Variants in DLGAP2 observed in about 807,000 individuals in gnomAD.
DLGAP2 encodes DLG associated protein 2.
In DLGAP2, 26 loss-of-function variants were observed where a neutral mutation model predicts 100.3. The ratio of observed to expected loss-of-function variants is 0.26; its 90% confidence interval spans 0.19 to 0.36. The LOEUF (loss-of-function observed/expected upper bound fraction) is 0.36, where lower values mean the gene tolerates loss of function less well. DLGAP2 is among the 10% of genes least tolerant of loss of function. DLGAP2 has a pLI of 1.00. For synonymous variants in DLGAP2, 886 were observed against 630.1 expected (o/e 1.41, Z -6.08); for missense variants, 1,858 against 1,453.2 (o/e 1.28, Z -4.53).
intron 2 of DLGAP2, among the ~76,000 whole-genome samples, chr8:940,128 C>T (rs1022014570): frequency 4.6e-5 from 7 of 152,104 alleles, no homozygotes; most frequent in South Asian, 2.1e-4. Context: ...GGGCGTGGGG[C>T]GTGGGGCCTG....
intron 1 of DLGAP2, among the ~76,000 whole-genome samples, chr8:812,872 A>T (rs1339194241): frequency 1.3e-5 from 2 of 152,222 alleles, no homozygotes; most frequent in African/African-American, 2.4e-5. Flanking sequence ...CACCCATAGT[A>T]AAATTCCTAT....
At chr8:871,446 C>A (rs753523673) in intron 1 of DLGAP2, among the ~76,000 whole-genome samples, 1 of 152,184 alleles carries the variant, frequency 6.6e-6, no homozygotes, top group Non-Finnish European at 1.5e-5. Context: ...GCTCATTTTC[C>A]TACATGTTTC....
At chr8:1,498,788 A>C (rs1050929665) in intron 3 of DLGAP2, among the ~76,000 whole-genome samples, 6 of 152,250 alleles carry the variant, frequency 3.9e-5, no homozygotes, top group African/African-American at 1.4e-4. Context: ...GAGAACCTCC[A>C]AGAAGGGGGT....
At chr8:1,205,671 G>A (rs1364930803) in intron 2 of DLGAP2, among the ~76,000 whole-genome samples, 1 of 152,176 alleles carries the variant, frequency 6.6e-6, no homozygotes, top group Admixed American at 6.5e-5. Flanking sequence ...GGGAAGGCTG[G>A]ACAGGTAGAG....
chr8:770,119 T>G (rs13256070), intron 1 of DLGAP2, among the ~76,000 whole-genome samples: 3 of 152,104 alleles, frequency 2.0e-5, no homozygotes, highest in African/African-American at 7.2e-5. Flanking sequence ...TTTTGTACGT[T>G]TTTATAAAGA....
At chr8:759,129 C>CCT (rs1209177064) in intron 1 of DLGAP2, among the ~76,000 whole-genome samples, 2 of 75,030 alleles carry the variant, frequency 2.7e-5, no homozygotes, top group African/African-American at 7.3e-5. Flanking sequence ...ATTATCAATA[C>CCT]CCCTGACAGC....
intron 3 of DLGAP2, among the ~76,000 whole-genome samples, chr8:1,493,898 C>T (rs1799465955): frequency 6.6e-6 from 1 of 152,206 alleles, no homozygotes; most frequent in Non-Finnish European, 1.5e-5. Context: ...GTTTTGTGTC[C>T]ATTTCATTTC....
intron 1 of DLGAP2, among the ~76,000 whole-genome samples, chr8:835,269 T>C (rs547693757): frequency 6.6e-6 from 1 of 152,324 alleles, no homozygotes; most frequent in African/African-American, 2.4e-5. Context: ...TGTTTCTCTT[T>C]ATATTCTTGA....
intron 2 of DLGAP2, among the ~76,000 whole-genome samples, chr8:937,068 C>T (rs1201527906): frequency 2.6e-5 from 4 of 152,154 alleles, no homozygotes; most frequent in East Asian, 1.9e-4. Flanking sequence ...GTGAAGGCCC[C>T]GCACATCTAC....
At chr8:1,559,693 A>G (rs1318574798) in intron 5 of DLGAP2, among the ~76,000 whole-genome samples, 1 of 152,220 alleles carries the variant, frequency 6.6e-6, no homozygotes. Context: ...TGCCAAAGTG[A>G]ATCTCTTCTT....
At chr8:1,480,352 C>T (rs1563173723) in intron 3 of DLGAP2, among the ~76,000 whole-genome samples, 2 of 152,184 alleles carry the variant, frequency 1.3e-5, no homozygotes, top group Admixed American at 1.3e-4. Context: ...CATCTCAGTG[C>T]TGACTCTGTC....
chr8:1,556,882 G>T (rs2130544839), intron 5 of DLGAP2, among the ~76,000 whole-genome samples: 1 of 152,336 alleles, frequency 6.6e-6, no homozygotes, highest in African/African-American at 2.4e-5. Context: ...CTCTTCAGCT[G>T]AGATGTACAT....
chr8:1,444,079 C>T (rs1485133890), intron 3 of DLGAP2, among the ~76,000 whole-genome samples: 1 of 152,144 alleles, frequency 6.6e-6, no homozygotes, highest in Non-Finnish European at 1.5e-5. Context: ...GCTCTCCCTA[C>T]ACCTCCCTCT....
chr8:1,459,597 T>C (rs1798415296), intron 3 of DLGAP2, among the ~76,000 whole-genome samples: 1 of 152,112 alleles, frequency 6.6e-6, no homozygotes, highest in South Asian at 2.1e-4. Context: ...ATTGCACATA[T>C]GTAGGAAATG....
At chr8:1,216,789 T>G (rs748469119) in intron 2 of DLGAP2, among the ~76,000 whole-genome samples, 11 of 152,198 alleles carry the variant, frequency 7.2e-5, no homozygotes, top group Non-Finnish European at 1.0e-4. Context: ...TTTTTCTGAA[T>G]CTGTTATGAA....
rs1232782647 is a variant in DLGAP2 at position 1,701,428 on chromosome 8, C to T, written c.*22C>T. On this transcript the variant is annotated 3_prime_UTR_variant, in exon 15 of 15. Coordinates refer to ENST00000637795, the MANE Select transcript of DLGAP2 (RefSeq NM_001346810.2). ...CTGAGGGCGGAGGCCGGCGCCTTCC[C>T]CTCGTCGCTTCCGCTTTCCCGGACG... is the stretch of plus-strand genomic sequence containing the variant. The T allele has an allele frequency of 1.9e-6, 3 of 1,559,182 alleles. No homozygotes were observed. In the East Asian group the frequency reaches 7.1e-5, roughly 37 times the overall value.
At chr8:749,611 G>A (rs1316191092) in intron 1 of DLGAP2, among the ~76,000 whole-genome samples, 2 of 152,086 alleles carry the variant, frequency 1.3e-5, no homozygotes, top group African/African-American at 4.8e-5. Flanking sequence ...TTACAAAAAT[G>A]TTTGGCCATT....
intron 2 of DLGAP2, among the ~76,000 whole-genome samples, chr8:1,013,451 C>T (rs1041983030): frequency 1.1e-4 from 17 of 151,962 alleles, no homozygotes; most frequent in African/African-American, 2.4e-4. Context: ...CAGCAGGAAT[C>T]GGAATAGGAG....
At chr8:1,069,667 C>T (rs1302042387) in intron 2 of DLGAP2, among the ~76,000 whole-genome samples, 1 of 152,130 alleles carries the variant, frequency 6.6e-6, no homozygotes, top group Non-Finnish European at 1.5e-5. Flanking sequence ...CTCCTATAAG[C>T]ACCATACTTA....
Sources: allele counts gnomAD v4.1 joint callset (sites outside exome capture counted in the v4.1 genomes callset), GRCh38; gene constraint gnomAD v4.1.1; transcripts MANE v1.5; gene names NCBI Gene and HGNC (gene_info 2026-07-23, HGNC 2026-07-21).